Variants in CDH13 observed in about 807,000 individuals in gnomAD.
The protein encoded by CDH13 is cadherin 13, also known as cadherin-13.
In CDH13, 24 loss-of-function variants were observed where a neutral mutation model predicts 63.8. The ratio of observed to expected loss-of-function variants is 0.38; its 90% CI spans 0.27 to 0.53. CDH13 has a LOEUF of 0.53. CDH13 is among the 20% of genes least tolerant of loss of function. The pLI is 0.85. For missense variants in CDH13, 1,049 were observed against 903.1 expected (o/e 1.16, Z -2.07); for synonymous variants, 503 against 355.3 (o/e 1.42, Z -4.67).
intron 2 of CDH13, among the ~76,000 whole-genome samples, chr16:82,881,342 C>T (rs558843514): frequency 6.6e-6 from 1 of 152,012 alleles, no homozygotes; most frequent in Non-Finnish European, 1.5e-5. Context: ...TGGGGGTCAT[C>T]TGCTGTGGGA....
At chr16:82,720,375 C>G (rs1400991032) in intron 1 of CDH13, among the ~76,000 whole-genome samples, 1 of 152,034 alleles carries the variant, frequency 6.6e-6, no homozygotes, top group East Asian at 1.9e-4. Flanking sequence ...TTTTACAATA[C>G]TTCGTATTAA....
intron 1 of CDH13, among the ~76,000 whole-genome samples, chr16:82,807,062 A>G (rs2037180486): frequency 1.3e-5 from 2 of 151,338 alleles, no homozygotes; most frequent in Non-Finnish European, 2.9e-5. Flanking sequence ...GTTTCTAAGT[A>G]TAAGCTTTTG....
chr16:83,438,487 C>T (rs946169202), intron 6 of CDH13, among the ~76,000 whole-genome samples: 2 of 152,220 alleles, frequency 1.3e-5, no homozygotes, highest in African/African-American at 2.4e-5. Flanking sequence ...CTCTTCATAA[C>T]ATTCTAAGTC....
chr16:83,242,142 A>C (rs4782524), intron 5 of CDH13, among the ~76,000 whole-genome samples: 1 of 152,094 alleles, frequency 6.6e-6, no homozygotes, highest in Non-Finnish European at 1.5e-5. Context: ...AGCCATATAC[A>C]TAAGGGTTTA....
intron 10 of CDH13, among the ~76,000 whole-genome samples, chr16:83,717,316 A>G (rs545939052): frequency 2.0e-5 from 3 of 152,276 alleles, no homozygotes; most frequent in Admixed American, 1.3e-4. Flanking sequence ...TTGCTTTACT[A>G]TAATCCCCTA....
chr16:83,585,088 G>A (rs1906019952), intron 7 of CDH13, among the ~76,000 whole-genome samples: 1 of 152,112 alleles, frequency 6.6e-6, no homozygotes, highest in South Asian at 2.1e-4. Context: ...CGTATCAGAT[G>A]CTCCCGAGCC....
At chr16:82,839,789 A>G (rs865968865) in intron 1 of CDH13, among the ~76,000 whole-genome samples, 1 of 152,196 alleles carries the variant, frequency 6.6e-6, no homozygotes, top group East Asian at 1.9e-4. Context: ...TCACATTATC[A>G]TATTTTATAC....
chr16:82,893,872 T>C (rs1188947059), intron 2 of CDH13, among the ~76,000 whole-genome samples: 2 of 152,164 alleles, frequency 1.3e-5, no homozygotes, highest in South Asian at 2.1e-4. Context: ...ACCTCCTTCC[T>C]TCCACTGGTC....
At chr16:83,684,383 AAAAGTAGCCG>A (rs1474682868) in intron 10 of CDH13, among the ~76,000 whole-genome samples, 15 of 152,230 alleles carry the variant, frequency 9.9e-5, no homozygotes, top group Non-Finnish European at 1.8e-4. Context: ...CACAAAAAAA[AAAAGTAGCCG>A]AAAGATAATT....
At chr16:82,647,831 G>C (rs1176346365) in intron 1 of CDH13, among the ~76,000 whole-genome samples, 3 of 152,190 alleles carry the variant, frequency 2.0e-5, no homozygotes, top group Non-Finnish European at 4.4e-5. Flanking sequence ...GTAAGTATCT[G>C]ATATGGTTTG....
intron 2 of CDH13, among the ~76,000 whole-genome samples, chr16:82,918,323 A>C (rs2042053578): frequency 6.6e-6 from 1 of 152,176 alleles, no homozygotes; most frequent in Non-Finnish European, 1.5e-5. Context: ...GAAGACACGG[A>C]GAAAATGGTG....
Position 82,917,304 on chromosome 16 carries a change from C to T in CDH13, c.157+58831C>T, listed in dbSNP as rs147613151. The stretch of plus-strand genomic sequence containing the variant: ...TCCAATGGAAGAACGCTCAGGGTTA[C>T]GTCAGGAAGGTGCCCTAGTTTTGGG... On this transcript the variant is annotated intron_variant, in intron 2 of 13. Transcript: ENST00000567109. Among the ~76,000 whole-genome samples, 807 of 152,222 alleles carry T rather than the reference C, an allele frequency of 5.3e-3. 14 individuals carry two copies. Among genetic ancestry groups the T allele is most frequent in the Non-Finnish European group, 4.0e-3 (274 of 68,010 alleles).
At chr16:83,491,873 A>G (rs1303345760) in intron 7 of CDH13, among the ~76,000 whole-genome samples, 2 of 152,176 alleles carry the variant, frequency 1.3e-5, no homozygotes, top group Non-Finnish European at 2.9e-5. Flanking sequence ...CCAAATTTTT[A>G]GGCCAGATGT....
chr16:83,188,410 G>T (rs1342735394), intron 4 of CDH13, among the ~76,000 whole-genome samples: 1 of 152,062 alleles, frequency 6.6e-6, no homozygotes, highest in Non-Finnish European at 1.5e-5. Context: ...ATTGAGTGTG[G>T]TTGCCTGCAA....
At chr16:83,292,945 C>T (rs747135558) in intron 5 of CDH13, among the ~76,000 whole-genome samples, 4 of 152,082 alleles carry the variant, frequency 2.6e-5, no homozygotes, top group Admixed American at 6.6e-5. Flanking sequence ...ATCAAATACT[C>T]GATTCCATGG....
intron 2 of CDH13, among the ~76,000 whole-genome samples, chr16:83,019,085 C>G (rs982227132): frequency 6.6e-6 from 1 of 152,178 alleles, no homozygotes; most frequent in Non-Finnish European, 1.5e-5. Context: ...TTTCTTCAAT[C>G]ATAAATTAAC....
At chr16:82,674,748 GGAAA>G (rs1157610032) in intron 1 of CDH13, among the ~76,000 whole-genome samples, 10 of 152,104 alleles carry the variant, frequency 6.6e-5, no homozygotes, top group Non-Finnish European at 1.0e-4. Flanking sequence ...GGGGCACACT[GGAAA>G]GAAAGAAAGA....
chr16:82,634,859 C>T (rs1432624325), intron 1 of CDH13, among the ~76,000 whole-genome samples: 1 of 152,132 alleles, frequency 6.6e-6, no homozygotes. Context: ...TCACCTGAGA[C>T]CAAATGGTTC....
chr16:83,594,427 C>T (rs976486632), intron 7 of CDH13, among the ~76,000 whole-genome samples: 4 of 148,980 alleles, frequency 2.7e-5, no homozygotes, highest in African/African-American at 7.3e-5. Context: ...TAATTGATCA[C>T]ATATTGATTG....
Sources: allele counts gnomAD v4.1 joint callset (sites outside exome capture counted in the v4.1 genomes callset), GRCh38; gene constraint gnomAD v4.1.1; transcripts MANE v1.5; gene names NCBI Gene and HGNC (gene_info 2026-07-23, HGNC 2026-07-21).